Variants in AP1M1 observed in about 807,000 individuals in gnomAD.
AP1M1 encodes the protein adaptor related protein complex 1 subunit mu 1, also known as AP-1 complex subunit mu-1.
A neutral mutation model predicts 57.1 loss-of-function variants in AP1M1; 18 were observed. The observed-to-expected ratio is 0.32, with a 90% CI of 0.22 to 0.47. AP1M1 has a LOEUF of 0.47. Ranked by LOEUF, AP1M1 falls within the 20% of genes least tolerant of loss-of-function variation. The pLI, the probability that AP1M1 is intolerant of heterozygous loss-of-function variation, is 1.00. For synonymous variants in AP1M1, 241 were observed against 237.9 expected, an observed-to-expected ratio of 1.01 and a Z score of -0.12; for missense variants, 362 against 593.5, an observed-to-expected ratio of 0.61 and a Z score of 4.05.
chr19:16,241,434 TG>T lies in AP1M1; in HGVS notation c.*7001del, dbSNP rs777186193. 6.6e-6 allele frequency: 1 copy of T among 152,162 alleles called. No individual in the cohort carries two copies. The highest frequency in any genetic ancestry group is 1.5e-5 in the Non-Finnish European group (1 of 68,030). The allele number at this position is 152,162 out of a possible 1,614,324, so 9.4% of individuals were successfully genotyped here. Reference sequence around the variant, plus strand: ...AATGCCGGAAAACCTTAGAAACCATTGGATCTGTCTAAACTGTCATTGACTG... The same window carrying T: ...AATGCCGGAAAACCTTAGAAACCATTGATCTGTCTAAACTGTCATTGACTG... On this transcript the variant is annotated 3_prime_UTR_variant, in exon 12 of 12. Coordinates refer to ENST00000291439, the MANE Select transcript of AP1M1 (RefSeq NM_032493.4).
intron 9 of AP1M1, among the ~76,000 whole-genome samples, chr19:16,231,469 C>T (rs946808827): frequency 5.9e-5 from 9 of 151,694 alleles, no homozygotes; most frequent in African/African-American, 1.5e-4. Context: ...TGCAGAGGCA[C>T]GATCTCGGCT....
chr19:16,210,388 G>C, intron 5 of AP1M1: 1 of 718,422 alleles, frequency 1.4e-6, no homozygotes, highest in South Asian at 1.5e-5. Context: ...GGATGGCTGG[G>C]TCACACGGTA....
chr19:16,204,944 C>T (rs186110822), intron 2 of AP1M1, among the ~76,000 whole-genome samples: 3,702 of 98,708 alleles, frequency 0.038, 125 homozygotes, highest in African/African-American at 0.087. Context: ...TATTCTCCTG[C>T]CTCAGCCTCC....
At chr19:16,201,938 C>T (rs2091449772) in intron 1 of AP1M1, among the ~76,000 whole-genome samples, 1 of 152,082 alleles carries the variant, frequency 6.6e-6, no homozygotes, top group South Asian at 2.1e-4. Flanking sequence ...GTTCTCAGTG[C>T]CGGGGAGGCT....
intron 5 of AP1M1, among the ~76,000 whole-genome samples, chr19:16,211,263 T>C (rs1232700424): frequency 1.3e-5 from 2 of 151,960 alleles, no homozygotes; most frequent in African/African-American, 4.8e-5. Flanking sequence ...CCGGCTAATT[T>C]TTGTATTTTT....
At chr19:16,223,129 C>T (rs911495572) in intron 5 of AP1M1, among the ~76,000 whole-genome samples, 5 of 152,118 alleles carry the variant, frequency 3.3e-5, no homozygotes, top group Non-Finnish European at 5.9e-5. Flanking sequence ...TTTGTTTTAG[C>T]CAACAGCCAA....
In AP1M1 at chr19:16,205,478, G is replaced by A. The variant is rs77029175; in HGVS notation, c.200-863G>A. Among the ~76,000 whole-genome samples, 904 of 152,266 alleles carry A rather than the reference G, an allele frequency of 5.9e-3. 18 individuals are homozygous for A. Among genetic ancestry groups the A allele is most frequent in the African/African-American group, 0.02 (828 of 41,550 alleles). ...CCAGCACTCGTTTGACTGGGCCAGC[G>A]TCCCTTTCCTGGGCCCCTGTGCTGT... On this transcript the variant is annotated intron_variant, in intron 2 of 11. Coordinates refer to ENST00000291439, the MANE Select transcript of AP1M1 (RefSeq NM_032493.4).
At chr19:16,214,518 A>C (rs933085252) in intron 5 of AP1M1, among the ~76,000 whole-genome samples, 14 of 150,704 alleles carry the variant, frequency 9.3e-5, no homozygotes, top group African/African-American at 3.4e-4. Context: ...TGACCGGCTA[A>C]TTTTTGTATT....
Position 16,245,860 on chromosome 19 carries a change from T to TA in AP1M1, c.*11430dup, listed in dbSNP as rs2091663116. ...TGCTTGAATGATGAGAGCTTATATT[T>TA]AAAAAGGCAGGGGGCTAAAATAAAT... On this transcript the variant is annotated 3_prime_UTR_variant, in exon 12 of 12. Coordinates refer to ENST00000291439, the MANE Select transcript of AP1M1 (RefSeq NM_032493.4). The TA allele has an allele frequency of 6.6e-6, 1 of 152,138 alleles. No individual in the cohort carries two copies. The highest frequency in any genetic ancestry group is 2.4e-5 in the African/African-American group (1 of 41,432). The allele number at this position is 152,138 out of a possible 1,614,324, so 9.4% of individuals were successfully genotyped here.
In AP1M1 at chr19:16,202,417, C is replaced by T. The variant is rs145242835; in HGVS notation, c.43-1042C>T. ...GTATAATTTACATTAATAACCTGCA[C>T]TTATCTAAAGTGTACAATTTGATGA... On this transcript the variant is annotated intron_variant, in intron 1 of 11. Transcript: ENST00000291439. 9.5e-3 allele frequency among the ~76,000 whole-genome samples: 1,448 copies of T among 152,312 alleles called. 12 individuals are homozygous for T. Among genetic ancestry groups the T allele is most frequent in the Middle Eastern group, 0.034 (10 of 294 alleles).
At position 16,244,747 on chromosome 19, in the gene AP1M1, G is replaced by A. The variant is rs888452920; in HGVS notation, c.*10312G>A. The stretch of plus-strand genomic sequence containing the variant: ...CCGGAGGCTGAGGCAGGAGAATGGC[G>A]TGAACCCGGGAAGCGGAGCTTGCAG... On this transcript the variant is annotated 3_prime_UTR_variant, in exon 12 of 12. Coordinates refer to ENST00000291439, the MANE Select transcript of AP1M1 (RefSeq NM_032493.4). 4.6e-5 allele frequency: 7 copies of A among 151,802 alleles called. No individual in the cohort carries two copies. Among genetic ancestry groups the A allele is most frequent in the Non-Finnish European group, 7.4e-5 (5 of 67,934 alleles). The allele number at this position is 151,802 out of a possible 1,614,324, so 9.4% of individuals were successfully genotyped here.
chr19:16,210,044 G>A (rs182283196), intron 5 of AP1M1, among the ~76,000 whole-genome samples: 1 of 152,222 alleles, frequency 6.6e-6, no homozygotes, highest in African/African-American at 2.4e-5. Context: ...TCTTCATCGT[G>A]TTGTGATTGT....
At chr19:16,229,115 G>T (rs1375734529) in intron 9 of AP1M1, among the ~76,000 whole-genome samples, 187 bp downstream of exon 9, 1 of 152,238 alleles carries the variant, frequency 6.6e-6, no homozygotes, top group Non-Finnish European at 1.5e-5. Flanking sequence ...GGCTGACTCG[G>T]CCCCTGGGCC....
intron 6 of AP1M1, chr19:16,226,815 G>A (rs2091573275): frequency 2.8e-6 from 1 of 355,730 alleles, no homozygotes; most frequent in Non-Finnish European, 5.1e-6. Context: ...GCCCTGCTCT[G>A]CCTGGGGCAC....
intron 5 of AP1M1, among the ~76,000 whole-genome samples, chr19:16,221,435 T>G (rs536568684): frequency 6.6e-6 from 1 of 152,270 alleles, no homozygotes; most frequent in African/African-American, 2.4e-5. Flanking sequence ...TTGTCCCTGC[T>G]GCTGTGTCCT....
rs751289680 is a variant in AP1M1, at chr19:16,236,822, C to G, written c.*2387C>G. Reference sequence around the variant, plus strand: ...CCTAAGATCCTCGCACACAATAGACCCTCAACATGAGGGCACATCCTGAAA... The same window carrying G: ...CCTAAGATCCTCGCACACAATAGACGCTCAACATGAGGGCACATCCTGAAA... On this transcript the variant is annotated 3_prime_UTR_variant, in exon 12 of 12. Transcript: ENST00000291439. The G allele has an allele frequency of 2.2e-4, 33 of 152,136 alleles. No homozygotes were observed. The highest frequency in any genetic ancestry group is 1.2e-3 in the Admixed American group (19 of 15,268). The allele number at this position is 152,136 out of a possible 1,614,324, so 9.4% of individuals were successfully genotyped here. A position where few individuals can be genotyped will look rare whatever the true frequency, so the allele number is the denominator to read the frequency against.
chr19:16,198,000 CCGCTGCCG>C lies in AP1M1; in HGVS notation c.-26_-19del, dbSNP rs2091431073. On this transcript the variant is annotated 5_prime_UTR_variant, in exon 1 of 12. Coordinates refer to ENST00000291439, the MANE Select transcript of AP1M1 (RefSeq NM_032493.4). ...TCGCTGCCGCCGCCACCGCCCTCGG[CCGCTGCCG>C]AGGCCTCCTGCAGCCATCATGTCCG... The C allele has an allele frequency of 1.9e-6, 3 of 1,563,012 alleles. No individual in the cohort carries two copies. Among genetic ancestry groups the C allele is most frequent in the Non-Finnish European group, 2.6e-6 (3 of 1,159,226 alleles).
chr19:16,226,820 G>T, intron 6 of AP1M1: 1 of 341,436 alleles, frequency 2.9e-6, no homozygotes, highest in Non-Finnish European at 5.4e-6. Flanking sequence ...GCTCTGCCTG[G>T]GGCACTGGGG....
chr19:16,226,246 G>A (rs1033788272), intron 5 of AP1M1, among the ~76,000 whole-genome samples, 175 bp from the exon 6 acceptor site: 3 of 152,172 alleles, frequency 2.0e-5, no homozygotes, highest in African/African-American at 7.2e-5. Context: ...GTGGGTTAGG[G>A]GTAGACCTTA....
Sources: gnomAD v4.1 joint callset for allele counts (sites outside exome capture counted in the v4.1 genomes callset) on GRCh38, gnomAD v4.1.1 for gene constraint, MANE v1.5 for transcripts, NCBI Gene and HGNC (gene_info 2026-07-23, HGNC 2026-07-21) for gene names.